The following TENM2 variants were observed in gnomAD, a reference collection of about 807,000 sequenced individuals.
TENM2 encodes teneurin transmembrane protein 2, also known as teneurin-2.
In TENM2, 52 loss-of-function variants were observed where a neutral mutation model predicts 245.2. That is an observed-to-expected ratio of 0.21 (90% CI 0.17 to 0.27). The LOEUF (loss-of-function observed/expected upper bound fraction) is 0.27, where lower values mean the gene tolerates loss of function less well. Ranked by LOEUF, TENM2 falls within the 10% of genes least tolerant of loss-of-function variation. The pLI is 1.00. For missense variants in TENM2, 3,046 were observed against 3,666.8 expected, an observed-to-expected ratio of 0.83 and a Z score of 4.37; for synonymous variants, 1,363 against 1,438.9, an observed-to-expected ratio of 0.95 and a Z score of 1.19.
At chr5:167,258,890 C>A in the TENM2 span, among the ~76,000 whole-genome samples, 1 of 152,036 alleles carries the variant, frequency 6.6e-6, no homozygotes, top group African/African-American at 2.4e-5. Flanking sequence ...TTTTTACTAA[C>A]GATTTCTGAA....
intron 20 of TENM2, among the ~76,000 whole-genome samples, chr5:168,213,029 C>T (rs756210652): frequency 6.6e-6 from 1 of 152,178 alleles, no homozygotes; most frequent in African/African-American, 2.4e-5. Flanking sequence ...ATGTGCAATG[C>T]CTTGATCCTT....
chr5:168,240,919 T>C (rs947677553), intron 25 of TENM2: 4 of 152,190 alleles, frequency 2.6e-5, no homozygotes, highest in Non-Finnish European at 4.4e-5. Context: ...GGTTTAAGAA[T>C]GATGGTGGCC....
chr5:167,061,130 G>C, the TENM2 span, among the ~76,000 whole-genome samples: 1 of 150,046 alleles, frequency 6.7e-6, no homozygotes, highest in South Asian at 2.1e-4. Context: ...ACATGCATAC[G>C]CACCCCCCAC....
chr5:167,700,023 T>G (rs1383505363), intron 2 of TENM2, among the ~76,000 whole-genome samples: 1 of 152,150 alleles, frequency 6.6e-6, no homozygotes, highest in Admixed American at 6.5e-5. Context: ...GGGAAAATTT[T>G]TACATAGCAC....
intron 12 of TENM2, among the ~76,000 whole-genome samples, chr5:168,149,272 C>G (rs1444273579): frequency 6.6e-6 from 1 of 152,108 alleles, no homozygotes; most frequent in Non-Finnish European, 1.5e-5. Context: ...CACGATGCTC[C>G]CCTGTCACCC....
the TENM2 span, among the ~76,000 whole-genome samples, chr5:167,030,833 C>T: frequency 1.3e-5 from 2 of 152,270 alleles, no homozygotes; most frequent in South Asian, 4.1e-4. Context: ...CTGCCAGACA[C>T]CCCTGTTATT....
chr5:167,033,847 C>A, the TENM2 span, among the ~76,000 whole-genome samples: 2 of 152,228 alleles, frequency 1.3e-5, no homozygotes, highest in East Asian at 3.9e-4. Context: ...ACTGTCAACA[C>A]CTAACTGTCA....
intron 2 of TENM2, among the ~76,000 whole-genome samples, chr5:167,453,655 G>A (rs762156277): frequency 1.3e-5 from 2 of 152,106 alleles, no homozygotes; most frequent in Non-Finnish European, 1.5e-5. Flanking sequence ...TCATAGTCCA[G>A]GGAGAGAACA....
chr5:167,845,783 A>C (rs895232985), intron 2 of TENM2, among the ~76,000 whole-genome samples: 2 of 152,208 alleles, frequency 1.3e-5, no homozygotes, highest in Non-Finnish European at 2.9e-5. Flanking sequence ...TTTTGTCTTC[A>C]AAATAGCCCT....
At chr5:167,661,505 G>A (rs564426304) in intron 2 of TENM2, among the ~76,000 whole-genome samples, 3 of 152,274 alleles carry the variant, frequency 2.0e-5, no homozygotes, top group Admixed American at 2.0e-4. Context: ...CTTAGCTGGT[G>A]CCACTTGAGT....
chr5:167,114,027 G>A, the TENM2 span, among the ~76,000 whole-genome samples: 1 of 152,198 alleles, frequency 6.6e-6, no homozygotes, highest in East Asian at 1.9e-4. Context: ...CAAGAGGGAT[G>A]ACCTGCAGCC....
intron 2 of TENM2, among the ~76,000 whole-genome samples, chr5:167,513,899 C>A (rs1476999016): frequency 1.3e-5 from 2 of 152,118 alleles, no homozygotes; most frequent in African/African-American, 2.4e-5. Flanking sequence ...TGGGTCTCAC[C>A]GTGGTCAGAT....
chr5:167,595,820 G>A (rs2127715521), intron 2 of TENM2, among the ~76,000 whole-genome samples: 2 of 152,254 alleles, frequency 1.3e-5, no homozygotes, highest in Middle Eastern at 6.8e-3. Flanking sequence ...TCCTCAGCAA[G>A]AACAGCCTTG....
chr5:167,421,591 T>G (rs9313380), intron 2 of TENM2, among the ~76,000 whole-genome samples: 83 of 152,034 alleles, frequency 5.5e-4, no homozygotes, highest in South Asian at 4.1e-4. Context: ...AGTGTGGACG[T>G]TGGCGACTAA....
At chr5:168,002,103 T>TTTTG (rs928401905) in intron 5 of TENM2, among the ~76,000 whole-genome samples, 43 of 152,312 alleles carry the variant, frequency 2.8e-4, no homozygotes, top group African/African-American at 8.9e-4. Context: ...CAAAGGCTTT[T>TTTTG]TTTGTTTGTT....
In TENM2 at chr5:168,157,813, A is replaced by G. The variant is rs1173889238; in HGVS notation, c.2423-4798A>G. Among the ~76,000 whole-genome samples the G allele has an allele frequency of 2.0e-5, 3 of 152,188 alleles. 1 individual carries two copies. The highest frequency in any genetic ancestry group is 2.0e-4 in the Admixed American group (3 of 15,282). On this transcript the variant is annotated intron_variant, in intron 12 of 28. Coordinates refer to ENST00000518659, the Ensembl canonical transcript of TENM2. ...GTGTACAGGTGGGGAATAGATGGCT[A>G]TGTTGAGACGCAAGTTGGAGTTCAG...
intron 2 of TENM2, among the ~76,000 whole-genome samples, chr5:167,638,092 TGTGTGTGTGTGTGTGTG>T (rs1349507256): frequency 0.012 from 3 of 252 alleles, no homozygotes; most frequent in Non-Finnish European, 0.023. Context: ...ACAGGGCAGG[TGTGTGTGTGTGTGTGTG>T]TGTGTGTGTG....
intron 2 of TENM2, among the ~76,000 whole-genome samples, chr5:167,787,774 G>A (rs896657508): frequency 6.6e-6 from 1 of 152,148 alleles, no homozygotes; most frequent in African/African-American, 2.4e-5. Flanking sequence ...GACAACCCTC[G>A]GGAACCACAT....
chr5:167,385,576 G>T (rs1399621114), intron 2 of TENM2, among the ~76,000 whole-genome samples: 5 of 150,460 alleles, frequency 3.3e-5, no homozygotes, highest in Non-Finnish European at 5.9e-5. Flanking sequence ...GTTCTTTAGT[G>T]GTGATTGTGA....
Sources: gnomAD v4.1 joint callset for allele counts (sites outside exome capture counted in the v4.1 genomes callset) on GRCh38, gnomAD v4.1.1 for gene constraint, MANE v1.5 for transcripts, NCBI Gene and HGNC (gene_info 2026-07-23, HGNC 2026-07-21) for gene names.